The following JARID2 variants were observed in gnomAD, a reference collection of about 807,000 sequenced individuals.
JARID2 encodes the protein protein Jumonji.
In JARID2, 21 loss-of-function variants were observed where a neutral mutation model predicts 125.6. The ratio of observed to expected loss-of-function variants is 0.17; its 90% CI spans 0.12 to 0.24. The LOEUF is 0.24. Ranked by LOEUF, JARID2 falls within the 10% of genes least tolerant of loss-of-function variation. The pLI, the probability that JARID2 is intolerant of heterozygous loss-of-function variation, is 1.00. For synonymous variants in JARID2, 736 were observed against 661.6 expected, an observed-to-expected ratio of 1.11 and a Z score of -1.73; for missense variants, 1,303 against 1,639.6, an observed-to-expected ratio of 0.79 and a Z score of 3.55.
At chr6:15,444,914 C>T (rs1353748697) in intron 3 of JARID2, among the ~76,000 whole-genome samples, 2 of 152,026 alleles carry the variant, frequency 1.3e-5, no homozygotes, top group Admixed American at 6.6e-5. Flanking sequence ...AAGGGAACAG[C>T]TGTGCATTCA....
intron 1 of JARID2, among the ~76,000 whole-genome samples, chr6:15,345,682 C>G (rs1763221024): frequency 1.3e-5 from 2 of 152,146 alleles, no homozygotes; most frequent in African/African-American, 4.8e-5. Flanking sequence ...AGTTTGCTTC[C>G]TTTAAAATAC....
chr6:15,270,255 C>T (rs1760245347), intron 1 of JARID2, among the ~76,000 whole-genome samples: 2 of 152,200 alleles, frequency 1.3e-5, no homozygotes, highest in African/African-American at 4.8e-5. Flanking sequence ...GCCTCAGCCT[C>T]CGGAGTAGCT....
intron 12 of JARID2, among the ~76,000 whole-genome samples, chr6:15,510,275 CAGA>C (rs1347193416): frequency 2.6e-5 from 4 of 152,132 alleles, no homozygotes; most frequent in African/African-American, 7.2e-5. Flanking sequence ...AGGAGCCCCT[CAGA>C]CAGCCTGAGA....
intron 6 of JARID2, among the ~76,000 whole-genome samples, chr6:15,492,646 C>T (rs1388612126): frequency 4.6e-5 from 7 of 152,164 alleles, no homozygotes; most frequent in Non-Finnish European, 8.8e-5. Flanking sequence ...TTTTATTTCT[C>T]CCTTTTAGGA....
At chr6:15,369,349 G>A in intron 1 of JARID2, 1 of 436,064 alleles carries the variant, frequency 2.3e-6, no homozygotes, top group South Asian at 1.7e-5. Context: ...TTTGATTCCT[G>A]ACCAATTGCT....
intron 1 of JARID2, among the ~76,000 whole-genome samples, chr6:15,356,256 C>G (rs1763596779): frequency 6.6e-6 from 1 of 152,158 alleles, no homozygotes; most frequent in Non-Finnish European, 1.5e-5. Flanking sequence ...ATGTATAATG[C>G]TGCTGTGAAC....
chr6:15,483,049 A>G (rs779535505), intron 5 of JARID2, among the ~76,000 whole-genome samples: 40 of 152,370 alleles, frequency 2.6e-4, no homozygotes, highest in Non-Finnish European at 5.4e-4. Context: ...AGCAACGACT[A>G]TTAGTTACTT....
At chr6:15,336,074 C>T (rs957846367) in intron 1 of JARID2, among the ~76,000 whole-genome samples, 13 of 149,190 alleles carry the variant, frequency 8.7e-5, no homozygotes, top group Admixed American at 2.7e-4. Flanking sequence ...GACAGAGACC[C>T]GTCTCCAAGG....
At chr6:15,271,554 A>G (rs994510363) in intron 1 of JARID2, among the ~76,000 whole-genome samples, 1 of 152,216 alleles carries the variant, frequency 6.6e-6, no homozygotes, top group African/African-American at 2.4e-5. Flanking sequence ...CCATGCCTGT[A>G]ATCTCATCAC....
At chr6:15,430,265 A>G (rs949051362) in intron 3 of JARID2, among the ~76,000 whole-genome samples, 2 of 152,220 alleles carry the variant, frequency 1.3e-5, no homozygotes. Flanking sequence ...GAGTTTAGTT[A>G]TCAAGACAAT....
intron 1 of JARID2, among the ~76,000 whole-genome samples, chr6:15,259,044 T>C (rs1372921034): frequency 6.6e-6 from 1 of 152,210 alleles, no homozygotes; most frequent in African/African-American, 2.4e-5. Flanking sequence ...GTGAGTCTCT[T>C]TACACCCAGA....
chr6:15,414,907 G>A (rs1766067633), intron 3 of JARID2, among the ~76,000 whole-genome samples: 2 of 152,214 alleles, frequency 1.3e-5, no homozygotes, highest in Admixed American at 6.5e-5. Context: ...GGGAGGGTCA[G>A]CAGATAAACA....
intron 1 of JARID2, among the ~76,000 whole-genome samples, chr6:15,258,464 A>G (rs985374803): frequency 7.9e-5 from 12 of 152,146 alleles, no homozygotes; most frequent in African/African-American, 2.9e-4. Context: ...GGCTGAATCA[A>G]ATGTTAAAGT....
At chr6:15,251,536 G>A (rs1439404291) in intron 1 of JARID2, among the ~76,000 whole-genome samples, 2 of 152,186 alleles carry the variant, frequency 1.3e-5, no homozygotes, top group Non-Finnish European at 2.9e-5. Context: ...GATATCCCAG[G>A]ATACAGGTCC....
intron 1 of JARID2, among the ~76,000 whole-genome samples, chr6:15,366,105 T>G (rs1270012154): frequency 2.6e-5 from 4 of 152,188 alleles, no homozygotes; most frequent in Non-Finnish European, 5.9e-5. Context: ...ATTTTTTATT[T>G]GGTGCTTTCG....
At chr6:15,484,017 A>G (rs569102261) in intron 5 of JARID2, among the ~76,000 whole-genome samples, 2 of 152,302 alleles carry the variant, frequency 1.3e-5, no homozygotes, top group South Asian at 4.1e-4. Context: ...TTTTCGTGCC[A>G]TCAGTGCAGA....
rs1765951845 is a variant in JARID2, at chr6:15,413,002, G to GGTTTTTTTT, written c.323+2637_323+2638insGTTTTTTTT. Reference sequence around the variant, plus strand: ...AACATTATACATGGGAAGAGCTTGTGTTTTTGTTTTTTTTTTTTTTGTTTT... The same window carrying GGTTTTTTTT: ...AACATTATACATGGGAAGAGCTTGTGGTTTTTTTTTTTTTGTTTTTTTTTTTTTTGTTTT... On this transcript the variant is annotated intron_variant, in intron 3 of 17. Transcript: ENST00000341776. 1.1e-4 allele frequency among the ~76,000 whole-genome samples: 5 copies of GGTTTTTTTT among 46,560 alleles called. 2 individuals are homozygous for GGTTTTTTTT. Among genetic ancestry groups the GGTTTTTTTT allele is most frequent in the African/African-American group, 4.6e-4 (5 of 10,768 alleles). The allele number at this position is 46,560 out of a possible 152,430, so 30.5% of individuals were successfully genotyped here.
At chr6:15,366,988 T>C (rs992940810) in intron 1 of JARID2, among the ~76,000 whole-genome samples, 2 of 152,190 alleles carry the variant, frequency 1.3e-5, no homozygotes, top group Admixed American at 1.3e-4. Flanking sequence ...TGTGTCATTG[T>C]AGGCTTTTTT....
intron 12 of JARID2, among the ~76,000 whole-genome samples, 192 bp from the exon 13 acceptor site, chr6:15,511,104 C>T (rs1024358258): frequency 1.3e-5 from 2 of 152,224 alleles, no homozygotes; most frequent in African/African-American, 4.8e-5. Context: ...GCTAGGTGGA[C>T]GTGGCACTGC....
Sources: gnomAD v4.1 joint callset for allele counts (sites outside exome capture counted in the v4.1 genomes callset) on GRCh38, gnomAD v4.1.1 for gene constraint, MANE v1.5 for transcripts, NCBI Gene and HGNC (gene_info 2026-07-23, HGNC 2026-07-21) for gene names.